Variants in EVA1B observed in about 807,000 individuals in gnomAD.
EVA1B encodes eva-1 homolog B, also known as protein eva-1 homolog B.
In EVA1B, 2 loss-of-function variants were observed where a neutral mutation model predicts 4.6. The ratio of observed to expected loss-of-function variants is 0.43; its 90% CI spans 0.18 to 1.37. EVA1B has a LOEUF of 1.37. EVA1B is among the 40% of genes most tolerant of loss of function. The pLI, the probability that EVA1B is intolerant of heterozygous loss-of-function variation, is 0.28. For synonymous variants in EVA1B, 124 were observed against 115.8 expected (o/e 1.07, Z -0.46); for missense variants, 263 against 240.4 (o/e 1.09, Z -0.62).
Position 36,322,037 on chromosome 1 carries a change from G to A in EVA1B, c.*258C>T. ...ACAGAGGGAGAGACTGAGTCACTGAGAATGCAGCTTTCTTTCATTTGGTCA... is the reference window on the plus strand; with the variant it reads ...ACAGAGGGAGAGACTGAGTCACTGAAAATGCAGCTTTCTTTCATTTGGTCA... On this transcript the variant is annotated 3_prime_UTR_variant, in exon 3 of 3. Coordinates refer to ENST00000490466, the MANE Select transcript of EVA1B (RefSeq NM_001304762.2). 2.3e-6 allele frequency: 3 copies of A among 1,304,322 alleles called. No homozygotes were observed. The highest frequency in any genetic ancestry group is 1.9e-6 in the Non-Finnish European group (2 of 1,030,304). The allele number at this position is 1,304,322 out of a possible 1,614,324, so 80.8% of individuals were successfully genotyped here.
chr1:36,322,921 G>T lies in EVA1B; in HGVS notation c.67+50C>A, dbSNP rs373158333. On this transcript the variant is annotated intron_variant, in intron 2 of 2. Coordinates refer to ENST00000490466, the MANE Select transcript of EVA1B (RefSeq NM_001304762.2). ...CAAGGCGCTGGGGAGGGAAGGGGATGGTGGTCAGGGAAGGGTTCAGGCCCC... is the reference window on the plus strand; with the variant it reads ...CAAGGCGCTGGGGAGGGAAGGGGATTGTGGTCAGGGAAGGGTTCAGGCCCC... 1.9e-5 allele frequency: 30 copies of T among 1,594,076 alleles called. No individual in the cohort carries two copies. In the Middle Eastern group the frequency reaches 5.1e-4, roughly 27 times the overall value.
chr1:36,323,297 G>GTGAGGTCCCCAGC (rs1553132124), intron 1 of EVA1B, among the ~76,000 whole-genome samples, 162 bp downstream of exon 1: 1 of 152,090 alleles, frequency 6.6e-6, no homozygotes, highest in Non-Finnish European at 1.5e-5. Flanking sequence ...CCGCCCCCTG[G>GTGAGGTCCCCAGC]TGAGGTCCCC....
In EVA1B at chr1:36,323,026, C is replaced by G; in HGVS notation, c.12G>C (p.Pro4=). ...TGCTGAGCAACTCCATGTCCCTTCG[C>G]GGGGCATCCATGCTGCTCTGGGGGG... The part of the protein sequence containing the change: MDA[P]RRDMELLSNS... Residue 4 remains proline (P), a synonymous_variant, in exon 2 of 3, where the codon CCG becomes CCC. Coordinates refer to ENST00000490466, the MANE Select transcript of EVA1B (RefSeq NM_001304762.2). The G allele has an allele frequency of 6.3e-7, 1 of 1,599,818 alleles. No individual in the cohort carries two copies. The highest frequency in any genetic ancestry group is 8.5e-7 in the Non-Finnish European group (1 of 1,176,072).
At chr1:36,322,929 G>C (rs1305363637) in intron 2 of EVA1B, 42 bp downstream of exon 2, 1 of 1,602,602 alleles carries the variant, frequency 6.2e-7, no homozygotes, top group South Asian at 1.1e-5. Context: ...ATGGTGGTCA[G>C]GGAAGGGTTC....
intron 1 of EVA1B, 55 bp from the exon 2 acceptor site, chr1:36,323,122 C>G: frequency 1.4e-6 from 2 of 1,443,354 alleles, no homozygotes; most frequent in Non-Finnish European, 1.9e-6. Context: ...ACCCCGACCC[C>G]TTCCGCGGGC....
At position 36,322,447 on chromosome 1, in the gene EVA1B, C is replaced by T. The variant is rs1375219272; in HGVS notation, c.346G>A (p.Ala116Thr). The stretch of plus-strand genomic sequence containing the variant: ...CGCTGCGCCCGCTCCAGCTCCTCCG[C>T]CGACGTGAAGACGTTGACGTTGAGG... ...GPLNVNVFTS[A>T]EELERAQRLE... Residue 116 changes from alanine (A) to threonine (T), a missense_variant, in exon 3 of 3, where the codon GCG (alanine) becomes ACG (threonine). Transcript: ENST00000490466. The T allele has an allele frequency of 8.1e-6, 13 of 1,604,408 alleles. No individual in the cohort carries two copies. Among genetic ancestry groups the T allele is most frequent in the Non-Finnish European group, 1.1e-5 (13 of 1,179,424 alleles).
At chr1:36,323,090 T>C (rs781246577) in intron 1 of EVA1B, 23 bp from the exon 2 acceptor site, 1 of 1,574,110 alleles carries the variant, frequency 6.4e-7, no homozygotes, top group African/African-American at 1.4e-5. Context: ...CAAAGTCAGA[T>C]CCTTCTCCCA....
chr1:36,322,636 A>G lies in EVA1B; in HGVS notation c.157T>C (p.Trp53Arg). 6.5e-7 allele frequency: 1 copy of G among 1,545,670 alleles called. No homozygotes were observed. Among genetic ancestry groups the G allele is most frequent in the Non-Finnish European group, 8.7e-7 (1 of 1,147,116 alleles). Residue 53 changes from tryptophan to arginine, a missense_variant, in exon 3 of 3, where the codon TGG (tryptophan) becomes CGG (arginine). By Grantham distance (101) the Trp-to-Arg change is moderately radical. Coordinates refer to ENST00000490466, the MANE Select transcript of EVA1B (RefSeq NM_001304762.2). ...CCCCGGGGCCGCGGGCGGGGCGCCCACGAGATGCTGATGACGAGCAGGCAG... is the reference window on the plus strand; with the variant it reads ...CCCCGGGGCCGCGGGCGGGGCGCCCGCGAGATGCTGATGACGAGCAGGCAG... Reference protein sequence around the residue: ...TLCLLVISISWAPRPRPRGPA... With the variant: ...TLCLLVISISRAPRPRPRGPA...
At position 36,322,268 on chromosome 1, in the gene EVA1B, G is replaced by T. The variant is rs1480682251; in HGVS notation, c.*27C>A. 1.4e-6 allele frequency: 2 copies of T among 1,470,886 alleles called. No homozygotes were observed. The highest frequency in any genetic ancestry group is 2.9e-5 in the African/African-American group (2 of 70,144). The allele number at this position is 1,470,886 out of a possible 1,614,324, so 91.1% of individuals were successfully genotyped here. On this transcript the variant is annotated 3_prime_UTR_variant, in exon 3 of 3. Transcript: ENST00000490466. The stretch of plus-strand genomic sequence containing the variant: ...CTCATGTGCAGGTCCGGTACCCCGA[G>T]CGCCTTGCAGCGGGAGCCGGGGCCC...
chr1:36,323,176 A>T (rs1374251249), intron 1 of EVA1B, 109 bp from the exon 2 acceptor site: 1 of 918,216 alleles, frequency 1.1e-6, no homozygotes, highest in Non-Finnish European at 1.6e-6. Context: ...CACCCTGGAG[A>T]GAGCGCTTCC....
Position 36,323,024 on chromosome 1 carries a change from C to T in EVA1B, c.14G>A (p.Arg5Gln), listed in dbSNP as rs759982436. The part of the protein sequence containing the change: MDAP[R>Q]RDMELLSNSL... ...GTTGCTGAGCAACTCCATGTCCCTT[C>T]GCGGGGCATCCATGCTGCTCTGGGG... Residue 5 changes from arginine to glutamine, a missense_variant, in exon 2 of 3, where the codon CGA becomes CAA. Coordinates refer to ENST00000490466, the MANE Select transcript of EVA1B (RefSeq NM_001304762.2). The T allele has an allele frequency of 5.0e-6, 8 of 1,599,086 alleles. No individual in the cohort carries two copies. Among genetic ancestry groups the T allele is most frequent in the South Asian group, 4.5e-5 (4 of 89,578 alleles).
rs914034574 is a variant in EVA1B, at chr1:36,322,303, A to T, written c.490T>A (p.Tyr164Asn). The change falls in exon 3 of 3, where the codon TAT becomes AAT. Residue 164 changes from tyrosine to asparagine, a missense_variant. Coordinates refer to ENST00000490466, the MANE Select transcript of EVA1B (RefSeq NM_001304762.2). ...GCGGGAGCCGGGGCCCATCAGTAAT[A>T]GTGCATGCGGCCCAGGGTGCCCGTG... ...TATGTLGRMH[Y>N]Y The T allele has an allele frequency of 1.0e-5, 16 of 1,535,582 alleles. No homozygotes were observed. Among genetic ancestry groups the T allele is most frequent in the Admixed American group, 7.9e-5 (4 of 50,846 alleles).
Position 36,322,566 on chromosome 1 carries a change from T to A in EVA1B, c.227A>T (p.Glu76Val). The change falls in exon 3 of 3, where the codon GAG becomes GTG. Residue 76 changes from glutamate (E) to valine (V), a missense_variant. Glu to Val is a moderately radical substitution (Grantham distance 121). Coordinates refer to ENST00000490466, the MANE Select transcript of EVA1B (RefSeq NM_001304762.2). ...GTCCTCCTCGTCCTCGTCGTCGTCC[T>A]CGGGCTCCAGGGTGCTGCTGCGGGG... Reference protein sequence around the residue: ...RDPRSSTLEPEDDDEDEEDTV... With the variant: ...RDPRSSTLEPVDDDEDEEDTV... The A allele has an allele frequency of 6.3e-7, 1 of 1,590,378 alleles. No individual in the cohort carries two copies. Among genetic ancestry groups the A allele is most frequent in the Non-Finnish European group, 8.5e-7 (1 of 1,173,228 alleles).
rs532193645 is a variant in EVA1B, at chr1:36,322,512, G to C, written c.281C>G (p.Thr94Arg). Residue 94 changes from threonine to arginine, a missense_variant, in exon 3 of 3, where the codon ACG becomes AGG. By Grantham distance (71) the Thr-to-Arg change is moderately conservative (BLOSUM62 -1). Coordinates refer to ENST00000490466, the MANE Select transcript of EVA1B (RefSeq NM_001304762.2). ...DTVTRLGPDD[T>R]LPGPELSAEP... ...TGCGGACAGCTCGGGGCCCGGCAGC[G>C]TGTCGTCGGGGCCCAGCCGAGTCAC... The C allele has an allele frequency of 1.2e-5, 19 of 1,601,466 alleles. No individual in the cohort carries two copies. Among genetic ancestry groups the C allele is most frequent in the East Asian group, 8.9e-5 (4 of 44,730 alleles).
rs888792187 is a variant in EVA1B at position 36,322,370 on chromosome 1, C to T, written c.423G>A (p.Pro141=). 1 of 1,590,016 alleles carries T rather than the reference C, an allele frequency of 6.3e-7. No individual in the cohort carries two copies. Among genetic ancestry groups the T allele is most frequent in the South Asian group, 1.1e-5 (1 of 89,486 alleles). The change falls in exon 3 of 3, where the codon CCG becomes CCA. Residue 141 remains proline, a synonymous_variant. Transcript: ENST00000490466. The part of the protein sequence containing the change: ...ILREIWRTGQ[P]DLLGTGTLGP... ...CCAGCGTGCCTGTGCCCAGCAGGTC[C>T]GGCTGCCCGGTGCGCCAGATCTCCC...
In EVA1B at chr1:36,322,174, G is replaced by A. The variant is rs1424719937; in HGVS notation, c.*121C>T. The A allele has an allele frequency of 9.6e-6, 13 of 1,352,164 alleles. No individual in the cohort carries two copies. Among genetic ancestry groups the A allele is most frequent in the Admixed American group, 3.3e-5 (1 of 30,494 alleles). 83.8% of individuals were successfully genotyped at this position (1,352,164 alleles called of 1,614,324 possible). ...GGAAGGGAGCCTCTCAGGGGGTGGC[G>A]GTCCACGCCCAGTAGCACCTGGGAG... On this transcript the variant is annotated 3_prime_UTR_variant, in exon 3 of 3. Transcript: ENST00000490466.
At position 36,323,078 on chromosome 1, in the gene EVA1B, A is replaced by T. The variant is rs1646495835; in HGVS notation, c.-30-11T>A. The T allele has an allele frequency of 6.3e-7, 1 of 1,587,914 alleles. No individual in the cohort carries two copies. Among genetic ancestry groups the T allele is most frequent in the African/African-American group, 1.4e-5 (1 of 72,622 alleles). On this transcript the variant is annotated splice_polypyrimidine_tract_variant and intron_variant, in intron 1 of 2. Coordinates refer to ENST00000490466, the MANE Select transcript of EVA1B (RefSeq NM_001304762.2). ...AGCTCCCCTACCAGCCTGCGAGGTCAGCAAAGTCAGATCCTTCTCCCAGCC... is the reference window on the plus strand; with the variant it reads ...AGCTCCCCTACCAGCCTGCGAGGTCTGCAAAGTCAGATCCTTCTCCCAGCC...
At chr1:36,323,217 G>C (rs950434577) in intron 1 of EVA1B, 150 bp from the exon 2 acceptor site, 71 of 678,210 alleles carry the variant, frequency 1.0e-4, no homozygotes, top group Non-Finnish European at 2.6e-5. Context: ...GGCCCTGTCG[G>C]GGGGAACCCC....
In EVA1B at chr1:36,323,185, C is replaced by T. The variant is rs529841390; in HGVS notation, c.-30-118G>A. 2.5e-3 allele frequency: 2,094 copies of T among 846,392 alleles called. 4 individuals are homozygous for T. Among genetic ancestry groups the T allele is most frequent in the Non-Finnish European group, 3.1e-3 (1,786 of 571,328 alleles). The allele number at this position is 846,392 out of a possible 1,614,324, so 52.4% of individuals were successfully genotyped here. ...AGGTTCCACCCTGGAGAGAGCGCTT[C>T]CCTAACTTCGTGGCGGCCCGGGGCC... On this transcript the variant is annotated intron_variant, in intron 1 of 2. Transcript: ENST00000490466.
Sources: gnomAD v4.1 joint callset for allele counts (sites outside exome capture counted in the v4.1 genomes callset) on GRCh38, gnomAD v4.1.1 for gene constraint, MANE v1.5 for transcripts, NCBI Gene and HGNC (gene_info 2026-07-23, HGNC 2026-07-21) for gene names.